Variants in THSD7A observed in about 807,000 individuals in gnomAD.
THSD7A encodes the protein thrombospondin type-1 domain-containing protein 7A.
In THSD7A, 96 loss-of-function variants were observed where a neutral mutation model predicts 231.3. The ratio of observed to expected loss-of-function variants is 0.41; its 90% CI spans 0.35 to 0.49. The LOEUF (loss-of-function observed/expected upper bound fraction) is 0.49. THSD7A is among the 20% of genes least tolerant of loss of function. The pLI is 0.05. For synonymous variants in THSD7A, 940 were observed against 743.3 expected (o/e 1.26, Z -4.30); for missense variants, 2,290 against 2,070.2 (o/e 1.11, Z -2.06).
intron 4 of THSD7A, among the ~76,000 whole-genome samples, chr7:11,556,556 T>C: frequency 6.6e-6 from 1 of 151,942 alleles, no homozygotes; most frequent in East Asian, 1.9e-4. Context: ...TATACTTTGT[T>C]TACCCGCTCT....
chr7:11,568,632 AAAAAAAAAAAAAAAAAAAAAAACC>A (rs1790474104), intron 4 of THSD7A, among the ~76,000 whole-genome samples: 2 of 130,206 alleles, frequency 1.5e-5, no homozygotes, highest in Admixed American at 1.5e-4. Context: ...CTCAAAAAAA[AAAAAAAAAAAAAAAAAAAAAAACC>A]AAAATCTGGA....
chr7:11,494,039 A>T (rs1009107242), intron 6 of THSD7A, among the ~76,000 whole-genome samples: 2 of 152,064 alleles, frequency 1.3e-5, no homozygotes. Flanking sequence ...GTACAGATAA[A>T]CGTTAGTGGG....
At chr7:11,759,344 G>T (rs1782782402) in intron 1 of THSD7A, among the ~76,000 whole-genome samples, 1 of 152,004 alleles carries the variant, frequency 6.6e-6, no homozygotes, top group Non-Finnish European at 1.5e-5. Context: ...AAAAGGTATG[G>T]TTGTTTAGAA....
chr7:11,412,031 A>T (rs1420062447), intron 18 of THSD7A, among the ~76,000 whole-genome samples: 1 of 152,190 alleles, frequency 6.6e-6, no homozygotes, highest in Non-Finnish European at 1.5e-5. Flanking sequence ...CTTGGGAAAA[A>T]TTCCAAAGTA....
chr7:11,778,153 T>A, intron 1 of THSD7A, among the ~76,000 whole-genome samples: 1 of 13,772 alleles, frequency 7.3e-5, no homozygotes, highest in African/African-American at 2.4e-4. Context: ...CGAGACTCCG[T>A]CTCAAAAAAA....
At chr7:11,533,727 G>A (rs1475592717) in intron 6 of THSD7A, among the ~76,000 whole-genome samples, 2 of 152,100 alleles carry the variant, frequency 1.3e-5, no homozygotes, top group African/African-American at 4.8e-5. Flanking sequence ...ACACACCAGG[G>A]CCTGTCGGGT....
chr7:11,743,797 C>T (rs139320553), intron 1 of THSD7A, among the ~76,000 whole-genome samples: 116 of 151,944 alleles, frequency 7.6e-4, no homozygotes, highest in Non-Finnish European at 1.5e-3. Flanking sequence ...GCCCCTTTTG[C>T]CTATTCTGTG....
At chr7:11,575,910 C>T (rs141957090) in intron 4 of THSD7A, among the ~76,000 whole-genome samples, 6 of 152,260 alleles carry the variant, frequency 3.9e-5, no homozygotes, top group African/African-American at 1.4e-4. Context: ...AACACAGTTA[C>T]AGTGTCTTTT....
At position 11,771,840 on chromosome 7, in the gene THSD7A, G is replaced by A. The variant is rs148915204; in HGVS notation, c.190+59917C>T. Among the ~76,000 whole-genome samples the A allele has an allele frequency of 1.9e-3, 288 of 152,272 alleles. 3 individuals carry two copies. Among genetic ancestry groups the A allele is most frequent in the Admixed American group, 5.0e-3 (77 of 15,292 alleles). On this transcript the variant is annotated intron_variant, in intron 1 of 27. Transcript: ENST00000423059. ...AATGGTTTAGCACCATCTCCTTGCT[G>A]CTGTTCTTGTGACGGTGAGTGAATT... is the stretch of plus-strand genomic sequence containing the variant.
chr7:11,800,874 T>G (rs1027489312), intron 1 of THSD7A, among the ~76,000 whole-genome samples: 3 of 152,166 alleles, frequency 2.0e-5, no homozygotes, highest in Non-Finnish European at 4.4e-5. Context: ...AGATCTCATG[T>G]TAAGTGTTCT....
chr7:11,625,408 C>A (rs963119207), intron 2 of THSD7A, among the ~76,000 whole-genome samples: 5 of 152,056 alleles, frequency 3.3e-5, no homozygotes, highest in Non-Finnish European at 7.4e-5. Context: ...AATTCAATTA[C>A]TATACTGGTA....
Position 11,444,866 on chromosome 7 carries a change from C to A in THSD7A, c.3064+1195G>T, listed in dbSNP as rs1330978077. On this transcript the variant is annotated intron_variant, in intron 13 of 27. Transcript: ENST00000423059. This position sits in a 1 kb window ranked among gnomAD's most constrained non-coding sequence, Gnocchi z 4.2. ...AATTAAACTATATATATAAAACTAT[C>A]ATTATATATAACTATTTTATATATA... is the stretch of plus-strand genomic sequence containing the variant. Among the ~76,000 whole-genome samples the A allele has an allele frequency of 6.9e-6, 1 of 145,908 alleles. No homozygotes were observed. The highest frequency in any genetic ancestry group is 2.0e-4 in the East Asian group (1 of 5,058).
At chr7:11,571,359 G>A (rs1790621104) in intron 4 of THSD7A, among the ~76,000 whole-genome samples, 1 of 152,102 alleles carries the variant, frequency 6.6e-6, no homozygotes, top group African/African-American at 2.4e-5. Context: ...CTGTAATTGT[G>A]GGCATGTTTT....
At chr7:11,513,694 A>G (rs1182182101) in intron 6 of THSD7A, among the ~76,000 whole-genome samples, 1 of 152,188 alleles carries the variant, frequency 6.6e-6, no homozygotes, top group Non-Finnish European at 1.5e-5. Context: ...GGTGATGAAA[A>G]TATTTTGGAA....
chr7:11,662,053 G>A (rs1006415511), intron 1 of THSD7A, among the ~76,000 whole-genome samples: 2 of 150,692 alleles, frequency 1.3e-5, no homozygotes, highest in African/African-American at 4.9e-5. Flanking sequence ...AGAAAGGAGA[G>A]AAAAAGATAC....
chr7:11,502,008 C>A lies in THSD7A; in HGVS notation c.1823-20026G>T, dbSNP rs78112044. ...AGAAATGACTGCAAACAACCCTATG[C>A]ACACAAACTCTAAAACCTAGAAGAG... On this transcript the variant is annotated intron_variant, in intron 6 of 27. Coordinates refer to ENST00000423059, the MANE Select transcript of THSD7A (RefSeq NM_015204.3). Among the ~76,000 whole-genome samples the A allele has an allele frequency of 1.1e-3, 160 of 152,226 alleles. 1 individual carries two copies. Among genetic ancestry groups the A allele is most frequent in the African/African-American group, 3.8e-3 (156 of 41,546 alleles).
intron 1 of THSD7A, among the ~76,000 whole-genome samples, chr7:11,770,641 T>G (rs114270225): frequency 0.022 from 3,409 of 152,268 alleles, 128 homozygotes; most frequent in African/African-American, 0.078. Context: ...GCATGAAAAT[T>G]GAATCTTCGG....
chr7:11,654,107 A>G (rs1428409525), intron 1 of THSD7A, among the ~76,000 whole-genome samples: 1 of 151,912 alleles, frequency 6.6e-6, no homozygotes, highest in Non-Finnish European at 1.5e-5. Flanking sequence ...GATAATTTAT[A>G]ATCTGAATTC....
chr7:11,474,202 C>G lies in THSD7A; in HGVS notation c.2252+132G>C. On this transcript the variant is annotated intron_variant, in intron 8 of 27. Transcript: ENST00000423059. This position sits in a 1 kb window ranked among gnomAD's most constrained non-coding sequence, Gnocchi z 4.1. ...CTTTATCAGTGGCTGACTTTCAAAA[C>G]AAACAAATCTTGCTCTTGAGGACAG... 1.4e-6 allele frequency: 1 copy of G among 729,500 alleles called. No homozygotes were observed. Among genetic ancestry groups the G allele is most frequent in the Non-Finnish European group, 2.2e-6 (1 of 463,722 alleles). 45.2% of individuals were successfully genotyped at this position (729,500 alleles called of 1,614,324 possible).
Sources: gnomAD v4.1 joint callset for allele counts (sites outside exome capture counted in the v4.1 genomes callset) on GRCh38, gnomAD v4.1.1 for gene constraint, Gnocchi (gnomAD v3.1) non-coding constraint, MANE v1.5 for transcripts, NCBI Gene and HGNC (gene_info 2026-07-23, HGNC 2026-07-21) for gene names.